Variants in FAM114A2 observed in about 807,000 individuals in gnomAD.
FAM114A2 encodes the protein protein FAM114A2.
In FAM114A2, 53 loss-of-function variants were observed where a neutral mutation model predicts 58.4. The ratio of observed to expected loss-of-function variants is 0.91; its 90% CI spans 0.73 to 1.14. The LOEUF (loss-of-function observed/expected upper bound fraction) is 1.14, where lower values mean the gene tolerates loss of function less well. Among genes scored for constraint, FAM114A2 ranks in the 50% most tolerant of loss-of-function variants. The probability of loss-of-function intolerance (pLI) is 0.00; values close to 1 mark genes in which losing one functional copy is unlikely to be tolerated. For synonymous variants in FAM114A2, 228 were observed against 211.4 expected (o/e 1.08, Z -0.68); for missense variants, 601 against 581.1 (o/e 1.03, Z -0.35).
chr5:154,013,059 T>C (rs2113334814), intron 8 of FAM114A2, among the ~76,000 whole-genome samples: 1 of 151,928 alleles, frequency 6.6e-6, no homozygotes, highest in East Asian at 1.9e-4. Context: ...TTACAGATTA[T>C]ATAATTTATA....
At chr5:154,019,071 A>C (rs151139150) in intron 8 of FAM114A2, among the ~76,000 whole-genome samples, 4,035 of 152,304 alleles carry the variant, frequency 0.026, 85 homozygotes, top group Middle Eastern at 0.051. Context: ...CAATCAGAGA[A>C]AGAAATAAAG....
rs781155269 is a variant in FAM114A2 at position 154,026,511 on chromosome 5, G to A, written c.801C>T (p.Ile267=). ...SQESEIKVKS[I]LNSLSGEELE... Reference sequence around the variant, plus strand: ...ATTCTTCTCCACTCAGAGAATTAAGGATAGATTTCACCTGAATGGATACAA... The same window carrying A: ...ATTCTTCTCCACTCAGAGAATTAAGAATAGATTTCACCTGAATGGATACAA... The change falls in exon 8 of 14, where the codon ATC becomes ATT. Residue 267 remains isoleucine, a synonymous_variant. Coordinates refer to ENST00000351797, the MANE Select transcript of FAM114A2 (RefSeq NM_018691.4). The A allele has an allele frequency of 7.9e-6, 12 of 1,518,734 alleles. No homozygotes were observed. Among genetic ancestry groups the A allele is most frequent in the Admixed American group, 2.2e-5 (1 of 45,228 alleles). The allele number at this position is 1,518,734 out of a possible 1,614,324, so 94.1% of individuals were successfully genotyped here. A position where few individuals can be genotyped will look rare whatever the true frequency, so the allele number is the denominator to read the frequency against.
At chr5:153,993,302 G>A (rs1004505668) in intron 13 of FAM114A2, among the ~76,000 whole-genome samples, 192 bp from the exon 14 acceptor site, 1 of 152,138 alleles carries the variant, frequency 6.6e-6, no homozygotes, top group Non-Finnish European at 1.5e-5. Flanking sequence ...AAGATGATAT[G>A]AGCACCAAAA....
intron 8 of FAM114A2, among the ~76,000 whole-genome samples, chr5:154,012,399 C>T (rs1561554582): frequency 6.6e-6 from 1 of 152,184 alleles, no homozygotes; most frequent in Non-Finnish European, 1.5e-5. Context: ...ATACACTCCC[C>T]ACTTTGTGGT....
At chr5:154,008,333 C>T (rs1364250023) in intron 9 of FAM114A2, among the ~76,000 whole-genome samples, 1 of 152,076 alleles carries the variant, frequency 6.6e-6, no homozygotes, top group Non-Finnish European at 1.5e-5. Context: ...TAATACTGTA[C>T]ATATTCAAAA....
At chr5:154,004,970 A>G (rs1422710905) in intron 9 of FAM114A2, among the ~76,000 whole-genome samples, 10 of 151,818 alleles carry the variant, frequency 6.6e-5, no homozygotes, top group Non-Finnish European at 1.3e-4. Flanking sequence ...ATCTCTTATC[A>G]TTTTCCACTT....
At chr5:154,026,308 G>T in intron 8 of FAM114A2, 91 bp downstream of exon 8, 1 of 994,750 alleles carries the variant, frequency 1.0e-6, no homozygotes, top group Non-Finnish European at 1.4e-6. Context: ...TCAAGCCAGT[G>T]TAATAAGAGT....
chr5:154,024,386 T>C (rs1771641992), intron 8 of FAM114A2, among the ~76,000 whole-genome samples: 1 of 152,158 alleles, frequency 6.6e-6, no homozygotes, highest in African/African-American at 2.4e-5. Flanking sequence ...AACATAAACC[T>C]ACTTTTTATT....
intron 11 of FAM114A2, among the ~76,000 whole-genome samples, chr5:153,999,898 T>C (rs1769855241): frequency 5.9e-5 from 9 of 151,980 alleles, no homozygotes; most frequent in Admixed American, 4.6e-4. Flanking sequence ...AGTTGAAAAA[T>C]GGATAAAGAA....
rs1769222146 is a variant in FAM114A2 at position 153,990,813 on chromosome 5, G to T, written c.*2163C>A. Reference sequence around the variant, plus strand: ...AAAGGAAAATAGTACCAAAAGTGTAGCTGTTAACAAAAAACTAAAACACTG... The same window carrying T: ...AAAGGAAAATAGTACCAAAAGTGTATCTGTTAACAAAAAACTAAAACACTG... On this transcript the variant is annotated 3_prime_UTR_variant, in exon 14 of 14. Transcript: ENST00000351797. 6.6e-6 allele frequency: 1 copy of T among 152,086 alleles called. No homozygotes were observed. The highest frequency in any genetic ancestry group is 1.5e-5 in the Non-Finnish European group (1 of 68,012). 9.4% of individuals were successfully genotyped at this position (152,086 alleles called of 1,614,324 possible). A position where few individuals can be genotyped will look rare whatever the true frequency, so the allele number is the denominator to read the frequency against.
chr5:154,003,177 G>GTTTTTTTTTTTTTTTTTTTTTT (rs1554081252), intron 9 of FAM114A2, among the ~76,000 whole-genome samples: 1 of 134,882 alleles, frequency 7.4e-6, no homozygotes. Flanking sequence ...CTAATTGGTA[G>GTTTTTTTTTTTTTTTTTTTTTT]TATTTTTTTT....
At chr5:154,036,087 G>A (rs1345101950) in intron 1 of FAM114A2, among the ~76,000 whole-genome samples, 3 of 151,894 alleles carry the variant, frequency 2.0e-5, no homozygotes, top group Non-Finnish European at 4.4e-5. Context: ...ATAATATGTG[G>A]TTTGCAAATA....
At position 154,034,421 on chromosome 5, in the gene FAM114A2, A is replaced by G. The variant is rs377311725; in HGVS notation, c.211-44T>C. The G allele has an allele frequency of 2.5e-4, 302 of 1,227,216 alleles. 5 individuals are homozygous for G. In the South Asian group the frequency reaches 3.9e-3, roughly 16 times the overall value. 76.0% of individuals were successfully genotyped at this position (1,227,216 alleles called of 1,614,324 possible). On this transcript the variant is annotated intron_variant, in intron 2 of 13. Coordinates refer to ENST00000351797, the MANE Select transcript of FAM114A2 (RefSeq NM_018691.4). Reference sequence around the variant, plus strand: ...GAAAAACAAAAGGCAAAGAAAAATGAAAAAATTAGAGGAAAATCAGAATGT... The same window carrying G: ...GAAAAACAAAAGGCAAAGAAAAATGGAAAAATTAGAGGAAAATCAGAATGT...
intron 8 of FAM114A2, among the ~76,000 whole-genome samples, chr5:154,024,033 G>A (rs560114445): frequency 3.0e-4 from 45 of 152,198 alleles, no homozygotes; most frequent in African/African-American, 1.1e-3. Flanking sequence ...CTCACCCACA[G>A]ATTAGAAATA....
intron 1 of FAM114A2, chr5:154,038,190 GTAAA>G (rs1201132403): frequency 1.3e-5 from 2 of 152,148 alleles, no homozygotes; most frequent in Non-Finnish European, 2.9e-5. Flanking sequence ...TCCAATAACT[GTAAA>G]TAAATACGGC....
intron 9 of FAM114A2, among the ~76,000 whole-genome samples, chr5:154,003,687 C>T (rs570575758): frequency 1.3e-5 from 2 of 152,248 alleles, no homozygotes; most frequent in Admixed American, 6.5e-5. Flanking sequence ...CAAAGACAAA[C>T]CCTCTTCTGC....
Position 154,026,472 on chromosome 5 carries a change from T to C in FAM114A2, c.840A>G (p.Lys280=). The C allele has an allele frequency of 6.4e-7, 1 of 1,574,108 alleles. No homozygotes were observed. Among genetic ancestry groups the C allele is most frequent in the African/African-American group, 1.4e-5 (1 of 73,038 alleles). The change falls in exon 8 of 14, where the codon AAA becomes AAG. Residue 280 remains lysine (K), a synonymous_variant. Coordinates refer to ENST00000351797, the MANE Select transcript of FAM114A2 (RefSeq NM_018691.4). ...TTTCTTTGAGTTGCTCTAATTCAAC[T>C]TTTAGAGTCTCTAATTCTTCTCCAC... ...SLSGEELETL[K]VELEQLKETF...
chr5:154,012,324 A>G (rs1770751375), intron 8 of FAM114A2, among the ~76,000 whole-genome samples: 1 of 152,218 alleles, frequency 6.6e-6, no homozygotes, highest in African/African-American at 2.4e-5. Flanking sequence ...CTCAAGATCA[A>G]AAAGCAATTA....
rs1581762522 is a variant in FAM114A2, at chr5:153,998,280, T to C, written c.1257-405A>G. On this transcript the variant is annotated intron_variant, in intron 11 of 13. Coordinates refer to ENST00000351797, the MANE Select transcript of FAM114A2 (RefSeq NM_018691.4). ...ATCTCGGTTATCAGACTGACTGTTG[T>C]GTTATCACAGTGCTTATGTTCAAGT... 2.6e-5 allele frequency among the ~76,000 whole-genome samples: 4 copies of C among 152,346 alleles called. No homozygotes were observed. In the Middle Eastern group the frequency reaches 0.01, roughly 389 times the overall value.
Sources: gnomAD v4.1 joint callset for allele counts (sites outside exome capture counted in the v4.1 genomes callset) on GRCh38, gnomAD v4.1.1 for gene constraint, MANE v1.5 for transcripts, NCBI Gene and HGNC (gene_info 2026-07-23, HGNC 2026-07-21) for gene names.